The following ZNF599 variants were observed in gnomAD, a reference collection of about 807,000 sequenced individuals.
ZNF599 encodes the protein zinc finger protein 599.
Under a neutral mutation model 11.7 loss-of-function variants are expected in ZNF599, and 10 were observed. The ratio of observed to expected loss-of-function variants is 0.86; its 90% CI spans 0.53 to 1.45. ZNF599 has a LOEUF of 1.45. Among genes scored for constraint, ZNF599 ranks in the 40% most tolerant of loss-of-function variants. ZNF599 has a pLI of 0.00. For synonymous variants in ZNF599, 232 were observed against 253.2 expected, an observed-to-expected ratio of 0.92 and a Z score of 0.79; for missense variants, 688 against 713.6, an observed-to-expected ratio of 0.96 and a Z score of 0.41.
the ZNF599 span, among the ~76,000 whole-genome samples, chr19:34,783,100 G>A: frequency 3.9e-5 from 6 of 152,214 alleles, no homozygotes; most frequent in Non-Finnish European, 8.8e-5. Flanking sequence ...TGTACTCTGG[G>A]CCTGGCATGT....
chr19:34,805,485 C>T, the ZNF599 span, among the ~76,000 whole-genome samples: 1 of 152,138 alleles, frequency 6.6e-6, no homozygotes, highest in Admixed American at 6.5e-5. Flanking sequence ...CATGAGCCAC[C>T]GTGCCCAGCT....
intron 1 of ZNF599, chr19:34,772,348 A>C: frequency 1.0e-6 from 1 of 993,408 alleles, no homozygotes; most frequent in Non-Finnish European, 1.2e-6. Flanking sequence ...CTTGCCCTCG[A>C]GGCTCTCATT....
chr19:34,777,339 AATATATTATATATTATATATTAATATATT>A (rs1335086315), upstream of ZNF599, among the ~76,000 whole-genome samples: 18 of 44,318 alleles, frequency 4.1e-4, 1 homozygote, highest in South Asian at 1.2e-3. Context: ...ATTATATATT[AATATATTATATATTATATATTAATATATT>A]ATATATTATA....
chr19:34,779,220 C>T, the ZNF599 span, among the ~76,000 whole-genome samples: 1 of 141,492 alleles, frequency 7.1e-6, no homozygotes, highest in East Asian at 2.1e-4. Flanking sequence ...GCTGGGACTA[C>T]AGGTATGTGC....
At chr19:34,773,703 G>GA (rs1437452629), upstream of ZNF599, among the ~76,000 whole-genome samples, 1 of 151,946 alleles carries the variant, frequency 6.6e-6, no homozygotes, top group Non-Finnish European at 1.5e-5. Context: ...AGGTACTCTG[G>GA]GGGGTGGGAC....
At chr19:34,774,919 A>T (rs2069210023), upstream of ZNF599, among the ~76,000 whole-genome samples, 1 of 152,132 alleles carries the variant, frequency 6.6e-6, no homozygotes, top group Admixed American at 6.5e-5. Context: ...CTCATGAATG[A>T]TTTGATGCCA....
chr19:34,772,430 A>G lies in ZNF599; in HGVS notation c.18+394T>C, dbSNP rs1463560927. 4 of 1,050,126 alleles carry G rather than the reference A, an allele frequency of 3.8e-6. No individual in the cohort carries two copies. The Admixed American group carries it at 2.2e-4, about 57-fold the overall frequency. 65.1% of individuals were successfully genotyped at this position (1,050,126 alleles called of 1,614,324 possible). A position where few individuals can be genotyped will look rare whatever the true frequency, so the allele number is the denominator to read the frequency against. On this transcript the variant is annotated intron_variant, in intron 1 of 3. Transcript: ENST00000329285. ...CCTAAAACAACAGCAGGACCTAGAG[A>G]GTCCTTCTTCAAAGACGGCACCTAG...
At chr19:34,800,959 T>A in the ZNF599 span, among the ~76,000 whole-genome samples, 1 of 152,222 alleles carries the variant, frequency 6.6e-6, no homozygotes, top group Non-Finnish European at 1.5e-5. Context: ...TGTTCTTAAA[T>A]GTTGTTTACG....
the ZNF599 span, among the ~76,000 whole-genome samples, chr19:34,788,001 C>T: frequency 7.9e-5 from 12 of 152,288 alleles, no homozygotes; most frequent in South Asian, 6.2e-4. Flanking sequence ...AATAAGTATA[C>T]GCCTTTTTTT....
chr19:34,765,317 T>G, intron 3 of ZNF599: 1 of 481,822 alleles, frequency 2.1e-6, no homozygotes, highest in Non-Finnish European at 3.7e-6. Context: ...ATAAAATATA[T>G]GTAATTTTAT....
At chr19:34,807,394 T>C in the ZNF599 span, among the ~76,000 whole-genome samples, 7 of 152,296 alleles carry the variant, frequency 4.6e-5, no homozygotes, top group African/African-American at 1.7e-4. Context: ...GACAGCCACA[T>C]GGCAGCCTCC....
the ZNF599 span, among the ~76,000 whole-genome samples, chr19:34,798,423 G>T: frequency 4.6e-5 from 7 of 151,806 alleles, no homozygotes. Context: ...CTCTAATCTG[G>T]TACCACAGAG....
At chr19:34,777,410 AAT>A (rs1389205129), upstream of ZNF599, among the ~76,000 whole-genome samples, 656 of 91,260 alleles carry the variant, frequency 7.2e-3, 4 homozygotes, top group African/African-American at 8.9e-3. Context: ...TATTATATAT[AAT>A]ATATATTAAT....
At position 34,759,137 on chromosome 19, in the gene ZNF599, C is replaced by T; in HGVS notation, c.1664G>A (p.Arg555Lys). The T allele has an allele frequency of 6.2e-7, 1 of 1,614,220 alleles. No homozygotes were observed. ...CDNFALTQHM[R>K]THTGEKPFEC... ...AAAGGGTTTCTCTCCAGTGTGAGTT[C>T]TCATGTGCTGAGTTAAAGCAAAGTT... The change falls in exon 4 of 4, where the codon AGA becomes AAA. Residue 555 changes from arginine (R) to lysine (K), a missense_variant. Arg to Lys is a conservative substitution (Grantham distance 26). Coordinates refer to ENST00000329285, the MANE Select transcript of ZNF599 (RefSeq NM_001007248.3).
rs1315592470 is a variant in ZNF599 at position 34,758,612 on chromosome 19, G to A, written c.*422C>T. 6.3e-6 allele frequency: 1 copy of A among 158,444 alleles called. No homozygotes were observed. Among genetic ancestry groups the A allele is most frequent in the African/African-American group, 2.4e-5 (1 of 41,450 alleles). The allele number at this position is 158,444 out of a possible 1,614,324, so 9.8% of individuals were successfully genotyped here. ...CCAAATGACAAACTGTCATAAACAG[G>A]GAAACTGAAAACAAGTTATGCACAT... On this transcript the variant is annotated 3_prime_UTR_variant, in exon 4 of 4. Transcript: ENST00000329285.
intron 3 of ZNF599, chr19:34,764,854 G>C (rs1474406965): frequency 6.6e-6 from 1 of 152,088 alleles, no homozygotes; most frequent in Non-Finnish European, 1.5e-5. Context: ...TTATAGAAAT[G>C]AAACTTTATG....
At chr19:34,796,024 T>C in the ZNF599 span, among the ~76,000 whole-genome samples, 1 of 152,080 alleles carries the variant, frequency 6.6e-6, no homozygotes, top group East Asian at 1.9e-4. Flanking sequence ...TTTCTCCATG[T>C]TGGTCAGGCT....
chr19:34,800,594 T>TTG, the ZNF599 span, among the ~76,000 whole-genome samples: 8 of 146,726 alleles, frequency 5.5e-5, no homozygotes, highest in East Asian at 3.9e-4. Context: ...TTGTTTTTTT[T>TTG]TTTTTTTTTT....
intron 1 of ZNF599, 171 bp downstream of exon 1, chr19:34,772,653 T>G: frequency 7.1e-7 from 1 of 1,408,588 alleles, no homozygotes; most frequent in Non-Finnish European, 9.2e-7. Flanking sequence ...TTCAGGACCC[T>G]GGGTAGGAAG....
Sources: gnomAD v4.1 joint callset for allele counts (sites outside exome capture counted in the v4.1 genomes callset) on GRCh38, gnomAD v4.1.1 for gene constraint, MANE v1.5 for transcripts, NCBI Gene and HGNC (gene_info 2026-07-23, HGNC 2026-07-21) for gene names.